Variants in PDZRN4 observed in about 807,000 individuals in gnomAD.
PDZRN4 encodes the protein PDZ domain-containing RING finger protein 4.
A neutral mutation model predicts 99.0 loss-of-function variants in PDZRN4; 70 were observed. The observed-to-expected ratio is 0.71, with a 90% CI of 0.58 to 0.86. PDZRN4 has a LOEUF of 0.86. Among genes scored for constraint, PDZRN4 ranks in the 40% least tolerant of loss-of-function variants. PDZRN4 has a pLI of 0.00. For synonymous variants in PDZRN4, 551 were observed against 501.6 expected (o/e 1.10, Z -1.32); for missense variants, 1,474 against 1,331.2 (o/e 1.11, Z -1.67).
At chr12:41,538,187 A>G (rs1440682380) in intron 5 of PDZRN4, among the ~76,000 whole-genome samples, 2 of 152,182 alleles carry the variant, frequency 1.3e-5, no homozygotes, top group Non-Finnish European at 1.5e-5. Context: ...GTCTGGAAAT[A>G]CAAAGGTATA....
chr12:41,477,870 A>T (rs769275205), intron 3 of PDZRN4: 1 of 1,545,354 alleles, frequency 6.5e-7, no homozygotes, highest in Non-Finnish European at 8.7e-7. Context: ...TTCAGGTAAG[A>T]GACAATTTTT....
At chr12:41,250,291 G>A (rs542566437) in intron 3 of PDZRN4, among the ~76,000 whole-genome samples, 10 of 152,280 alleles carry the variant, frequency 6.6e-5, no homozygotes, top group African/African-American at 2.4e-4. Flanking sequence ...TATGAGTACA[G>A]TCTTGTTGAT....
chr12:41,536,911 T>C (rs1938758530), intron 5 of PDZRN4, among the ~76,000 whole-genome samples: 1 of 152,184 alleles, frequency 6.6e-6, no homozygotes. Context: ...AGCAGGCATG[T>C]TTTTCATAGT....
intron 7 of PDZRN4, 114 bp downstream of exon 7, chr12:41,555,874 C>T: frequency 2.4e-6 from 2 of 841,522 alleles, no homozygotes; most frequent in Non-Finnish European, 3.8e-6. Context: ...TGGATACTAA[C>T]ATCTACAAAA....
At chr12:41,448,182 G>T (rs879495581) in intron 3 of PDZRN4, among the ~76,000 whole-genome samples, 1 of 152,088 alleles carries the variant, frequency 6.6e-6, no homozygotes, top group Non-Finnish European at 1.5e-5. Flanking sequence ...TGCCATGAAA[G>T]GTTCCTCGCA....
intron 2 of PDZRN4, among the ~76,000 whole-genome samples, chr12:41,193,131 T>C (rs149746832): frequency 1.8e-4 from 28 of 152,344 alleles, no homozygotes; most frequent in African/African-American, 6.7e-4. Flanking sequence ...CTGCTGTGCT[T>C]CTCTTTTTAA....
At chr12:41,273,327 C>T (rs1360554907) in intron 3 of PDZRN4, among the ~76,000 whole-genome samples, 1 of 152,000 alleles carries the variant, frequency 6.6e-6, no homozygotes, top group African/African-American at 2.4e-5. Flanking sequence ...AGTATGCTGG[C>T]AAGCGCAAGA....
intron 3 of PDZRN4, chr12:41,459,829 A>G (rs1444842676): frequency 1.6e-6 from 1 of 640,534 alleles, no homozygotes; most frequent in African/African-American, 1.9e-5. Context: ...CATCATGTAC[A>G]TTCAGGGGTA....
chr12:41,248,626 T>C (rs147768472), intron 3 of PDZRN4, among the ~76,000 whole-genome samples: 1 of 152,330 alleles, frequency 6.6e-6, no homozygotes, highest in African/African-American at 2.4e-5. Flanking sequence ...AGGTCATTTA[T>C]GTTAATGATT....
rs1939135516 is a variant in PDZRN4 at position 41,555,241 on chromosome 12, A to AAAAAAAAAAAG, written c.1303-449_1303-448insAAGAAAAAAAA. On this transcript the variant is annotated intron_variant, in intron 6 of 9. Coordinates refer to ENST00000402685, the MANE Select transcript of PDZRN4 (RefSeq NM_001164595.2). ...GCCAGACTCTGTCTCAAAAAAAAAA[A>AAAAAAAAAAAG]AAAAAAAAGAAAAAAAAAAGGACGG... is the stretch of plus-strand genomic sequence containing the variant. 1.0e-4 allele frequency among the ~76,000 whole-genome samples: 12 copies of AAAAAAAAAAAG among 119,938 alleles called. 1 individual carries two copies. Among genetic ancestry groups the AAAAAAAAAAAG allele is most frequent in the African/African-American group, 1.3e-4 (4 of 31,106 alleles). 78.7% of individuals were successfully genotyped at this position (119,938 alleles called of 152,430 possible). A position where few individuals can be genotyped will look rare whatever the true frequency, so the allele number is the denominator to read the frequency against.
intron 7 of PDZRN4, among the ~76,000 whole-genome samples, chr12:41,562,530 A>G (rs1248829583): frequency 1.3e-5 from 2 of 152,262 alleles, no homozygotes; most frequent in Admixed American, 6.5e-5. Flanking sequence ...GATCTCTTTA[A>G]TTGGAATTTC....
chr12:41,191,571 C>G (rs78251066), intron 2 of PDZRN4, 27 bp downstream of exon 2: 10,963 of 985,458 alleles, frequency 0.011, 87 homozygotes, highest in Non-Finnish European at 0.014. Flanking sequence ...ATGCATTACT[C>G]GTTACTTATA....
chr12:41,530,754 G>C (rs1294432455), intron 5 of PDZRN4, among the ~76,000 whole-genome samples: 1 of 152,184 alleles, frequency 6.6e-6, no homozygotes, highest in African/African-American at 2.4e-5. Context: ...CACTGGGTGG[G>C]CATGATCGGA....
chr12:41,194,968 C>A (rs908015640), intron 3 of PDZRN4, among the ~76,000 whole-genome samples: 4 of 151,848 alleles, frequency 2.6e-5, no homozygotes, highest in Non-Finnish European at 2.9e-5. Flanking sequence ...AATATGGCTA[C>A]CTTGTTCCTG....
chr12:41,290,926 A>G (rs1462142605), intron 3 of PDZRN4, among the ~76,000 whole-genome samples: 1 of 152,090 alleles, frequency 6.6e-6, no homozygotes, highest in Non-Finnish European at 1.5e-5. Context: ...TGAATCCTAT[A>G]TTTATCTCTT....
In PDZRN4 at chr12:41,258,870, GT is replaced by G. The variant is rs1951219598; in HGVS notation, c.843+64684del. Reference sequence around the variant, plus strand: ...ATGATGGAGGTGCTGTCTGATTAATGTTATGAGTAGTGATGATGATGATGGA... The same window carrying G: ...ATGATGGAGGTGCTGTCTGATTAATGTATGAGTAGTGATGATGATGATGGA... On this transcript the variant is annotated intron_variant, in intron 3 of 9. Transcript: ENST00000402685. Among the ~76,000 whole-genome samples, 4 of 152,070 alleles carry G rather than the reference GT, an allele frequency of 2.6e-5. No individual in the cohort carries two copies. The South Asian group carries it at 8.3e-4, about 32-fold the overall frequency.
At chr12:41,384,724 A>G (rs531569337) in intron 3 of PDZRN4, among the ~76,000 whole-genome samples, 1 of 152,144 alleles carries the variant, frequency 6.6e-6, no homozygotes. Flanking sequence ...TGCCAAAGTC[A>G]TCATATGTTG....
chr12:41,240,653 G>A (rs1040542154), intron 3 of PDZRN4, among the ~76,000 whole-genome samples: 2 of 152,170 alleles, frequency 1.3e-5, no homozygotes, highest in African/African-American at 4.8e-5. Context: ...CTGGAGGCTG[G>A]GAAGTTCAAG....
At chr12:41,353,187 AT>A (rs1234430178) in intron 3 of PDZRN4, among the ~76,000 whole-genome samples, 6 of 151,864 alleles carry the variant, frequency 4.0e-5, no homozygotes, top group Admixed American at 6.6e-5. Flanking sequence ...ACAGAATAGG[AT>A]TTTTTTTCTT....
Sources: allele counts gnomAD v4.1 joint callset (sites outside exome capture counted in the v4.1 genomes callset), GRCh38; gene constraint gnomAD v4.1.1; transcripts MANE v1.5; gene names NCBI Gene and HGNC (gene_info 2026-07-23, HGNC 2026-07-21).